NRXN3: variants seen among roughly 807,000 people sequenced by gnomAD.
The protein encoded by NRXN3 is neurexin III.
A neutral mutation model predicts 137.6 loss-of-function variants in NRXN3; 32 were observed. The ratio of observed to expected loss-of-function variants is 0.23; its 90% confidence interval spans 0.18 to 0.31. NRXN3 has a LOEUF of 0.31. Ranked by LOEUF, NRXN3 falls within the 10% of genes least tolerant of loss-of-function variation. The pLI is 1.00. For synonymous variants in NRXN3, 798 were observed against 784.5 expected (o/e 1.02, Z -0.29); for missense variants, 1,574 against 2,062.5 (o/e 0.76, Z 4.59).
chr14:78,542,065 G>A (rs571035629), intron 4 of NRXN3, among the ~76,000 whole-genome samples: 2 of 152,336 alleles, frequency 1.3e-5, no homozygotes, highest in Admixed American at 1.3e-4. Context: ...AGGGGCAGCT[G>A]CCTATATGAG....
In NRXN3 at chr14:79,643,070, T is replaced by C. The variant is rs984231313; in HGVS notation, c.3445-20708T>C. On this transcript the variant is annotated intron_variant, in intron 16 of 20. Coordinates refer to ENST00000335750, the MANE Select transcript of NRXN3 (RefSeq NM_001330195.2). ...GCTTCTGAAGCAGCTTGCTGCTCTG[T>C]TATTCGTGTGAACTCATATCCTTTC... 9.6e-5 allele frequency among the ~76,000 whole-genome samples: 13 copies of C among 136,060 alleles called. 1 individual carries two copies. Among genetic ancestry groups the C allele is most frequent in the African/African-American group, 3.2e-4 (13 of 40,846 alleles). 89.3% of individuals were successfully genotyped at this position (136,060 alleles called of 152,430 possible). A position where few individuals can be genotyped will look rare whatever the true frequency, so the allele number is the denominator to read the frequency against.
chr14:79,793,185 A>C (rs922525896), intron 19 of NRXN3, among the ~76,000 whole-genome samples: 2 of 152,038 alleles, frequency 1.3e-5, no homozygotes, highest in Admixed American at 6.6e-5. Context: ...TAATCCCAGC[A>C]CTTTGGGAGG....
At chr14:78,343,839 C>G (rs1375335549) in intron 4 of NRXN3, among the ~76,000 whole-genome samples, 2 of 152,150 alleles carry the variant, frequency 1.3e-5, no homozygotes, top group African/African-American at 2.4e-5. Context: ...GGGCATGGGA[C>G]CCCAGCATCA....
intron 4 of NRXN3, among the ~76,000 whole-genome samples, chr14:78,315,312 A>G: frequency 6.6e-6 from 1 of 152,092 alleles, no homozygotes; most frequent in East Asian, 1.9e-4. Flanking sequence ...ATTTTGTATT[A>G]AACAAAACCC....
At chr14:78,894,694 A>G (rs113326475) in intron 10 of NRXN3, among the ~76,000 whole-genome samples, 52 of 151,982 alleles carry the variant, frequency 3.4e-4, no homozygotes, top group Non-Finnish European at 6.6e-4. Context: ...CAGAGGAATC[A>G]CCATGTCAGT....
intron 15 of NRXN3, among the ~76,000 whole-genome samples, chr14:78,999,451 T>C (rs940681533): frequency 6.6e-6 from 1 of 152,162 alleles, no homozygotes; most frequent in Admixed American, 6.6e-5. Flanking sequence ...TGACTGAGTC[T>C]TGCATATTTT....
chr14:79,412,885 G>A (rs545053143), intron 15 of NRXN3, among the ~76,000 whole-genome samples: 8 of 150,284 alleles, frequency 5.3e-5, no homozygotes, highest in South Asian at 4.2e-4. Flanking sequence ...AAAATGCATA[G>A]CAAGTTGACT....
intron 15 of NRXN3, among the ~76,000 whole-genome samples, chr14:79,278,732 G>C (rs1402376266): frequency 6.6e-6 from 1 of 152,176 alleles, no homozygotes; most frequent in Non-Finnish European, 1.5e-5. Context: ...TGCCAATCAC[G>C]GAGCCCTTCA....
intron 4 of NRXN3, among the ~76,000 whole-genome samples, chr14:78,479,641 T>G (rs2095439442): frequency 6.6e-6 from 1 of 152,240 alleles, no homozygotes; most frequent in African/African-American, 2.4e-5. Context: ...AAATGAGCTC[T>G]TCCAGTTTTT....
At chr14:78,836,062 A>G (rs1567462191) in intron 10 of NRXN3, among the ~76,000 whole-genome samples, 1 of 152,168 alleles carries the variant, frequency 6.6e-6, no homozygotes. Context: ...TTGCTCTGGC[A>G]CACAGAATAC....
intron 20 of NRXN3, among the ~76,000 whole-genome samples, chr14:79,850,565 A>G (rs1188855621): frequency 2.6e-5 from 4 of 152,214 alleles, no homozygotes; most frequent in African/African-American, 7.2e-5. Context: ...TTACATTTAG[A>G]CAGAGCTATT....
At chr14:78,282,149 A>T (rs1249758648) in intron 3 of NRXN3, 1 of 502,280 alleles carries the variant, frequency 2.0e-6, no homozygotes, top group Non-Finnish European at 4.0e-6. Flanking sequence ...GACCCCTGTC[A>T]GGTGCCTTAT....
chr14:79,277,463 T>A (rs1266179039), intron 15 of NRXN3, among the ~76,000 whole-genome samples: 1 of 152,202 alleles, frequency 6.6e-6, no homozygotes, highest in Non-Finnish European at 1.5e-5. Context: ...TTCTGGCTTT[T>A]CTAGCAATAA....
chr14:78,567,834 A>C (rs7157915), intron 4 of NRXN3, among the ~76,000 whole-genome samples: 9,288 of 152,120 alleles, frequency 0.061, 421 homozygotes, highest in East Asian at 0.13. Flanking sequence ...GGTGAGTGAC[A>C]CTGGGACTTA....
chr14:78,711,120 G>A (rs1012281044), intron 7 of NRXN3, among the ~76,000 whole-genome samples: 4 of 151,868 alleles, frequency 2.6e-5, no homozygotes, highest in Admixed American at 2.0e-4. Flanking sequence ...CACTGCTGTT[G>A]GTTTTTAAGA....
intron 17 of NRXN3, among the ~76,000 whole-genome samples, chr14:79,667,114 A>T (rs920302326): frequency 6.6e-6 from 1 of 152,090 alleles, no homozygotes; most frequent in Non-Finnish European, 1.5e-5. Context: ...GGCAATGTTT[A>T]TTTTAAATCA....
intron 1 of NRXN3, among the ~76,000 whole-genome samples, chr14:78,236,936 A>G (rs1314566916): frequency 1.3e-5 from 2 of 152,194 alleles, no homozygotes; most frequent in Non-Finnish European, 2.9e-5. Flanking sequence ...TTGCTGTTGT[A>G]TTAAGATAGA....
chr14:79,757,228 A>G (rs1333166474), intron 19 of NRXN3, among the ~76,000 whole-genome samples: 1 of 152,196 alleles, frequency 6.6e-6, no homozygotes, highest in African/African-American at 2.4e-5. Context: ...GCAACAACGT[A>G]TTCAGATGGA....
chr14:78,560,152 C>T (rs1019573968), intron 4 of NRXN3, among the ~76,000 whole-genome samples: 5 of 152,102 alleles, frequency 3.3e-5, no homozygotes, highest in Admixed American at 6.5e-5. Context: ...ATAGGGTGAT[C>T]GGTTTATTTT....
Sources: allele counts gnomAD v4.1 joint callset (sites outside exome capture counted in the v4.1 genomes callset), GRCh38; gene constraint gnomAD v4.1.1; transcripts MANE v1.5; gene names NCBI Gene and HGNC (gene_info 2026-07-23, HGNC 2026-07-21).